HHAT: variants seen among roughly 807,000 people sequenced by gnomAD.
HHAT encodes hedgehog acyltransferase.
In HHAT, 47 loss-of-function variants were observed where a neutral mutation model predicts 70.8. The observed-to-expected ratio is 0.66, with a 90% CI of 0.53 to 0.85. The LOEUF (loss-of-function observed/expected upper bound fraction) is 0.85. Ranked by LOEUF, HHAT falls within the 40% of genes least tolerant of loss-of-function variation. HHAT has a pLI of 0.00. For missense variants in HHAT, 609 were observed against 604.8 expected, an observed-to-expected ratio of 1.01 and a Z score of -0.07; for synonymous variants, 228 against 247.6, an observed-to-expected ratio of 0.92 and a Z score of 0.74.
At chr1:210,599,874 C>G (rs889071060) in intron 10 of HHAT, among the ~76,000 whole-genome samples, 6 of 152,164 alleles carry the variant, frequency 3.9e-5, no homozygotes, top group African/African-American at 1.4e-4. Flanking sequence ...GACACCCTAT[C>G]TGATCTTTCA....
At chr1:210,333,500 T>TAAAAA (rs1166553265) in intron 1 of HHAT, among the ~76,000 whole-genome samples, 1 of 152,168 alleles carries the variant, frequency 6.6e-6, no homozygotes, top group Non-Finnish European at 1.5e-5. Context: ...ATCAATGCAG[T>TAAAAA]AAGTAACAAA....
intron 11 of HHAT, among the ~76,000 whole-genome samples, chr1:210,636,718 C>A (rs903249643): frequency 1.3e-5 from 2 of 152,130 alleles, no homozygotes; most frequent in Non-Finnish European, 2.9e-5. Context: ...AAACAGAAGT[C>A]TTAGATTCTA....
chr1:210,435,128 C>G (rs1324977755), intron 7 of HHAT, among the ~76,000 whole-genome samples: 2 of 151,864 alleles, frequency 1.3e-5, no homozygotes, highest in East Asian at 3.8e-4. Flanking sequence ...ATCCTCCCCT[C>G]CTGCTTTCCC....
At chr1:210,473,952 G>T (rs7530369) in intron 8 of HHAT, among the ~76,000 whole-genome samples, 125,229 of 152,222 alleles carry the variant, frequency 0.82, 51,695 homozygotes, top group South Asian at 0.86. Context: ...CTGTTTCTCT[G>T]AAATATTTAC....
chr1:210,338,677 T>A (rs1287733401), intron 1 of HHAT, among the ~76,000 whole-genome samples: 2 of 152,180 alleles, frequency 1.3e-5, no homozygotes, highest in African/African-American at 4.8e-5. Context: ...CACCTTGTCC[T>A]AGGTCACACA....
At chr1:210,353,294 G>A (rs1323564893) in intron 2 of HHAT, among the ~76,000 whole-genome samples, 2 of 152,106 alleles carry the variant, frequency 1.3e-5, no homozygotes. Context: ...AGGCTTGTGT[G>A]ATAGGCCTTG....
At chr1:210,571,843 T>C (rs1188815015) in intron 9 of HHAT, among the ~76,000 whole-genome samples, 1 of 152,254 alleles carries the variant, frequency 6.6e-6, no homozygotes, top group Non-Finnish European at 1.5e-5. Context: ...CAGAAGACTC[T>C]GCTTTGTGTG....
chr1:210,410,943 G>C (rs895798880), intron 6 of HHAT, among the ~76,000 whole-genome samples: 3 of 152,180 alleles, frequency 2.0e-5, no homozygotes, highest in African/African-American at 7.2e-5. Context: ...ATGTAATTAT[G>C]CCTTATTATA....
At chr1:210,606,721 A>T (rs545932145) in intron 10 of HHAT, among the ~76,000 whole-genome samples, 4 of 152,270 alleles carry the variant, frequency 2.6e-5, no homozygotes, top group Admixed American at 6.5e-5. Flanking sequence ...GAAAAAGGCC[A>T]TAGGAGATAG....
At chr1:210,506,634 A>G (rs2094859262) in intron 8 of HHAT, among the ~76,000 whole-genome samples, 1 of 152,208 alleles carries the variant, frequency 6.6e-6, no homozygotes, top group Admixed American at 6.5e-5. Flanking sequence ...ATTGTGCTAT[A>G]GTTTGATCAC....
At chr1:210,518,331 T>C (rs1451116422) in intron 9 of HHAT, among the ~76,000 whole-genome samples, 2 of 152,204 alleles carry the variant, frequency 1.3e-5, no homozygotes, top group African/African-American at 4.8e-5. Flanking sequence ...AGTGAGATCA[T>C]GTGGTATTTG....
chr1:210,449,453 A>G (rs550040023), intron 7 of HHAT, among the ~76,000 whole-genome samples: 10 of 152,168 alleles, frequency 6.6e-5, no homozygotes, highest in Admixed American at 5.9e-4. Flanking sequence ...TCCCGTCTAC[A>G]CTTTTTCCTC....
intron 11 of HHAT, among the ~76,000 whole-genome samples, chr1:210,657,881 C>T (rs1038482289): frequency 4.6e-5 from 7 of 152,230 alleles, no homozygotes; most frequent in Non-Finnish European, 7.3e-5. Context: ...TGGGCACTTC[C>T]GTCAATTGAC....
chr1:210,370,914 G>A (rs2089514519), intron 3 of HHAT, among the ~76,000 whole-genome samples: 1 of 151,792 alleles, frequency 6.6e-6, no homozygotes, highest in South Asian at 2.1e-4. Flanking sequence ...ACACCTGGCT[G>A]CAGATCCTAT....
chr1:210,513,107 A>G (rs1370842361), intron 8 of HHAT, 46 bp from the exon 9 acceptor site: 2 of 1,164,620 alleles, frequency 1.7e-6, no homozygotes, highest in Non-Finnish European at 2.6e-6. Flanking sequence ...TACCATTACT[A>G]TAAATATCTT....
At chr1:210,374,029 C>T (rs1172902263) in intron 3 of HHAT, 2 of 152,180 alleles carry the variant, frequency 1.3e-5, no homozygotes, top group African/African-American at 2.4e-5. Flanking sequence ...ACATGGAAAA[C>T]AAGAGTTAAC....
chr1:210,636,662 C>T (rs1016489667), intron 11 of HHAT, among the ~76,000 whole-genome samples: 1 of 152,166 alleles, frequency 6.6e-6, no homozygotes, highest in Admixed American at 6.5e-5. Flanking sequence ...ATTCTATTTT[C>T]TCCCAGTGGT....
At chr1:210,410,634 C>G (rs1413825999) in intron 6 of HHAT, among the ~76,000 whole-genome samples, 1 of 149,638 alleles carries the variant, frequency 6.7e-6, no homozygotes, top group Non-Finnish European at 1.5e-5. Context: ...TCAAGCGATT[C>G]TCCTGCCTCA....
chr1:210,521,710 G>T (rs1031648420), intron 9 of HHAT, among the ~76,000 whole-genome samples: 2 of 152,160 alleles, frequency 1.3e-5, no homozygotes, highest in Non-Finnish European at 2.9e-5. Flanking sequence ...GTCAAATGAA[G>T]GATTAATTGA....
Sources: allele counts gnomAD v4.1 joint callset (sites outside exome capture counted in the v4.1 genomes callset), GRCh38; gene constraint gnomAD v4.1.1; transcripts MANE v1.5; gene names NCBI Gene and HGNC (gene_info 2026-07-23, HGNC 2026-07-21).